EPHA6: variants seen among roughly 807,000 people sequenced by gnomAD.
EPHA6 encodes EPH receptor A6.
EPHA6 carries 50 observed loss-of-function variants against 112.0 expected under a neutral mutation model. That is an observed-to-expected ratio of 0.45 (90% confidence interval 0.36 to 0.56). The LOEUF is 0.56. Among genes scored for constraint, EPHA6 ranks in the 20% least tolerant of loss-of-function variants. The pLI, the probability that EPHA6 is intolerant of heterozygous loss-of-function variation, is 0.00. For missense variants in EPHA6, 1,280 were observed against 1,417.4 expected, an observed-to-expected ratio of 0.90 and a Z score of 1.56; for synonymous variants, 529 against 490.7, an observed-to-expected ratio of 1.08 and a Z score of -1.03.
At chr3:96,840,703 A>C (rs1460633480) in intron 1 of EPHA6, among the ~76,000 whole-genome samples, 1 of 152,086 alleles carries the variant, frequency 6.6e-6, no homozygotes, top group Non-Finnish European at 1.5e-5. Flanking sequence ...AACCAAAGAA[A>C]GTACTGAGTC....
chr3:97,363,237 T>TAA (rs1249183417), intron 5 of EPHA6, among the ~76,000 whole-genome samples: 1 of 58,030 alleles, frequency 1.7e-5, no homozygotes, highest in African/African-American at 9.6e-5. Flanking sequence ...TATATATATA[T>TAA]AAATCTCAGA....
chr3:97,449,300 C>G (rs755144725), intron 7 of EPHA6, among the ~76,000 whole-genome samples: 10 of 152,050 alleles, frequency 6.6e-5, no homozygotes, highest in Admixed American at 2.0e-4. Context: ...TTTATTCATT[C>G]TAAACCCAGC....
intron 5 of EPHA6, among the ~76,000 whole-genome samples, chr3:97,292,625 C>T (rs1168853315): frequency 1.3e-5 from 2 of 152,136 alleles, no homozygotes; most frequent in African/African-American, 2.4e-5. Context: ...CAGCTCACAA[C>T]GGAGAGGAGA....
At chr3:97,643,505 TAA>T in intron 14 of EPHA6, among the ~76,000 whole-genome samples, 1 of 148,280 alleles carries the variant, frequency 6.7e-6, no homozygotes, top group Non-Finnish European at 1.5e-5. Flanking sequence ...GCAAATTGGA[TAA>T]AGAGTCAAGA....
At chr3:97,408,605 C>T (rs1432275870) in intron 6 of EPHA6, among the ~76,000 whole-genome samples, 1 of 151,968 alleles carries the variant, frequency 6.6e-6, no homozygotes, top group African/African-American at 2.4e-5. Context: ...AGTTCAAGGC[C>T]AAGGCTCCAG....
intron 3 of EPHA6, among the ~76,000 whole-genome samples, chr3:97,052,308 T>A (rs980735588): frequency 3.3e-5 from 5 of 152,158 alleles, no homozygotes; most frequent in Admixed American, 6.6e-5. Context: ...GATGACTGTT[T>A]ACCCATTTTC....
chr3:97,544,956 T>A (rs2092923653), intron 11 of EPHA6, among the ~76,000 whole-genome samples: 1 of 152,220 alleles, frequency 6.6e-6, no homozygotes, highest in Non-Finnish European at 1.5e-5. Context: ...TTCTCTCTTT[T>A]CTTCTTTATT....
At chr3:97,524,307 A>C (rs947148557) in intron 10 of EPHA6, among the ~76,000 whole-genome samples, 38 of 152,106 alleles carry the variant, frequency 2.5e-4, no homozygotes, top group African/African-American at 8.9e-4. Flanking sequence ...CTTATAGTTA[A>C]AGTATTCTAA....
At chr3:97,075,971 C>A (rs1205604058) in intron 3 of EPHA6, among the ~76,000 whole-genome samples, 1 of 152,060 alleles carries the variant, frequency 6.6e-6, no homozygotes, top group Non-Finnish European at 1.5e-5. Flanking sequence ...TACCATCTAT[C>A]TGGCTGTTCA....
At chr3:97,621,082 C>T (rs988925687) in intron 13 of EPHA6, among the ~76,000 whole-genome samples, 9 of 151,918 alleles carry the variant, frequency 5.9e-5, no homozygotes, top group Non-Finnish European at 1.3e-4. Flanking sequence ...ACTATGCAGT[C>T]GTGAAAAATA....
In EPHA6 at chr3:97,226,435, T is replaced by C. The variant is rs747423146; in HGVS notation, c.1270+16T>C. 6.3e-7 allele frequency: 1 copy of C among 1,582,532 alleles called. No individual in the cohort carries two copies. On this transcript the variant is annotated intron_variant, in intron 4 of 17. Coordinates refer to ENST00000389672, the MANE Select transcript of EPHA6 (RefSeq NM_001080448.3). ...GCATGTACCAGTAAGTCTATACATT[T>C]TGGATTTGGAAATTCTGTTTCCAAC...
At chr3:97,130,305 CATCTGTCAAACTGGAT>C (rs1259389580) in intron 3 of EPHA6, among the ~76,000 whole-genome samples, 1 of 151,748 alleles carries the variant, frequency 6.6e-6, no homozygotes, top group East Asian at 1.9e-4. Context: ...CTCTAGTTAC[CATCTGTCAAACTGGAT>C]ATCTGTCAAA....
chr3:97,243,196 G>A (rs2078897704), intron 4 of EPHA6, among the ~76,000 whole-genome samples: 1 of 151,822 alleles, frequency 6.6e-6, no homozygotes, highest in African/African-American at 2.4e-5. Context: ...TAGGAGAATA[G>A]TGTGGGTCTC....
intron 15 of EPHA6, among the ~76,000 whole-genome samples, chr3:97,726,542 A>G (rs557765177): frequency 7.9e-5 from 12 of 152,240 alleles, no homozygotes; most frequent in Admixed American, 3.3e-4. Flanking sequence ...GCTTAAAATC[A>G]AATTTTAAAG....
At chr3:97,146,896 G>A (rs2076055987) in intron 3 of EPHA6, among the ~76,000 whole-genome samples, 3 of 150,480 alleles carry the variant, frequency 2.0e-5, no homozygotes, top group Admixed American at 1.3e-4. Flanking sequence ...TAATTACAAT[G>A]TGTGGAGTGA....
chr3:97,302,214 A>G (rs1232007460), intron 5 of EPHA6, among the ~76,000 whole-genome samples: 1 of 152,008 alleles, frequency 6.6e-6, no homozygotes, highest in Non-Finnish European at 1.5e-5. Context: ...GTTTTTCTCA[A>G]TTGCATATAC....
At chr3:97,387,276 C>A (rs1363372693) in intron 5 of EPHA6, among the ~76,000 whole-genome samples, 8 of 152,022 alleles carry the variant, frequency 5.3e-5, no homozygotes, top group Non-Finnish European at 1.0e-4. Flanking sequence ...TGCAAATTTT[C>A]CCAACTTCTG....
At chr3:97,441,104 T>G (rs2107278347) in intron 6 of EPHA6, among the ~76,000 whole-genome samples, 1 of 152,092 alleles carries the variant, frequency 6.6e-6, no homozygotes, top group Middle Eastern at 3.4e-3. Flanking sequence ...GTGGAAAGTT[T>G]CACAATCCGT....
At chr3:97,040,952 T>A (rs1232787009) in intron 3 of EPHA6, among the ~76,000 whole-genome samples, 1 of 152,112 alleles carries the variant, frequency 6.6e-6, no homozygotes, top group Non-Finnish European at 1.5e-5. Flanking sequence ...TAGGAATCTT[T>A]ACCCTTATCC....
Sources: gnomAD v4.1 joint callset for allele counts (sites outside exome capture counted in the v4.1 genomes callset) on GRCh38, gnomAD v4.1.1 for gene constraint, MANE v1.5 for transcripts, NCBI Gene and HGNC (gene_info 2026-07-23, HGNC 2026-07-21) for gene names.